Variants in POLA1 observed in about 807,000 individuals in gnomAD.
POLA1 encodes DNA polymerase alpha 1, catalytic subunit.
Under a neutral mutation model 124.0 loss-of-function variants are expected in POLA1, and 15 were observed. The ratio of observed to expected loss-of-function variants is 0.12; its 90% CI spans 0.08 to 0.19. The LOEUF is 0.19. Ranked by LOEUF, POLA1 falls within the 10% of genes least tolerant of loss-of-function variation. POLA1 has a pLI of 1.00. For missense variants in POLA1, 886 were observed against 1,103.4 expected (o/e 0.80, Z 2.79); for synonymous variants, 408 against 389.4 (o/e 1.05, Z -0.56).
At chrX:24,800,848 A>G (rs1481513886) in intron 26 of POLA1, among the ~76,000 whole-genome samples, 2 of 112,207 alleles carry the variant, frequency 1.8e-5, no homozygotes, top group Admixed American at 9.4e-5. Context: ...ATTCAAAGGC[A>G]TAGTTTGTAG....
intron 1 of POLA1, among the ~76,000 whole-genome samples, chrX:24,695,658 A>G (rs759464015): frequency 9.1e-6 from 1 of 110,483 alleles, no homozygotes; most frequent in East Asian, 2.9e-4. Flanking sequence ...TTGTATTTTC[A>G]GTAGAGACAG....
At chrX:24,875,059 T>C (rs2046913241) in intron 34 of POLA1, among the ~76,000 whole-genome samples, 1 of 110,960 alleles carries the variant, frequency 9.0e-6, no homozygotes, top group Non-Finnish European at 1.9e-5. Context: ...TTGCAATCAC[T>C]CGTAGATGAG....
intron 4 of POLA1, among the ~76,000 whole-genome samples, chrX:24,707,722 G>A (rs772646315): frequency 8.9e-6 from 1 of 112,490 alleles, no homozygotes; most frequent in Non-Finnish European, 1.9e-5. Flanking sequence ...GGCCGGGTGC[G>A]GTGGCTCACG....
At chrX:24,947,294 G>T in intron 36 of POLA1, among the ~76,000 whole-genome samples, 1 of 63,183 alleles carries the variant, frequency 1.6e-5, no homozygotes, top group African/African-American at 6.2e-5. Context: ...TTGAGACAGA[G>T]TCTCACTCTG....
intron 32 of POLA1, among the ~76,000 whole-genome samples, chrX:24,832,534 T>C (rs780453656): frequency 6.0e-4 from 68 of 112,512 alleles, no homozygotes; most frequent in African/African-American, 2.1e-3. Flanking sequence ...ACTCTGGCTT[T>C]GTAACACTTA....
intron 35 of POLA1, among the ~76,000 whole-genome samples, chrX:24,906,872 T>C (rs1315924965): frequency 9.0e-6 from 1 of 111,535 alleles, no homozygotes; most frequent in Non-Finnish European, 1.9e-5. Context: ...GTAAATGAGC[T>C]TGAAGATAGA....
intron 4 of POLA1, among the ~76,000 whole-genome samples, chrX:24,710,063 G>A (rs1248225654): frequency 7.6e-5 from 8 of 105,232 alleles, no homozygotes; most frequent in East Asian, 3.0e-4. Context: ...CTCGGGCCCC[G>A]TGGGGCCCGT....
chrX:24,786,985 A>G (rs2045378492), intron 26 of POLA1, among the ~76,000 whole-genome samples: 1 of 109,808 alleles, frequency 9.1e-6, no homozygotes, highest in Admixed American at 9.8e-5. Context: ...TGTGTTGCCC[A>G]GGCTGGTCTT....
chrX:24,809,883 T>A lies in POLA1; in HGVS notation c.2965-15T>A. 1 of 1,026,761 alleles carries A rather than the reference T, an allele frequency of 9.7e-7. No individual in the cohort carries two copies. The highest frequency in any genetic ancestry group is 2.4e-5 in the Admixed American group (1 of 40,886). 84.6% of individuals were successfully genotyped at this position (1,026,761 alleles called of 1,213,427 possible). A position where few individuals can be genotyped will look rare whatever the true frequency, so the allele number is the denominator to read the frequency against. On this transcript the variant is annotated splice_polypyrimidine_tract_variant and intron_variant, in intron 26 of 36. Transcript: ENST00000379068. Reference sequence around the variant, plus strand: ...AATTGTGTAACTTATTAATCTTGACTTTTGTTTCATTTAGATTTTGATGCA... The same window carrying A: ...AATTGTGTAACTTATTAATCTTGACATTTGTTTCATTTAGATTTTGATGCA...
At chrX:24,767,196 T>C (rs915792599) in intron 26 of POLA1, among the ~76,000 whole-genome samples, 6 of 112,458 alleles carry the variant, frequency 5.3e-5, no homozygotes, top group Admixed American at 4.7e-4. Flanking sequence ...AGCCATTTGC[T>C]GATAAATTGA....
At chrX:24,786,714 G>A (rs1482756168) in intron 26 of POLA1, among the ~76,000 whole-genome samples, 1 of 81,150 alleles carries the variant, frequency 1.2e-5, no homozygotes, top group East Asian at 3.6e-4. Flanking sequence ...TTTTTGAGAC[G>A]GCCTCACCTC....
chrX:24,737,738 TG>T lies in POLA1; in HGVS notation c.2040+1del. 2 of 1,015,800 alleles carry T rather than the reference TG, an allele frequency of 2.0e-6. No homozygotes were observed. The highest frequency in any genetic ancestry group is 2.7e-6 in the Non-Finnish European group (2 of 730,562). 83.7% of individuals were successfully genotyped at this position (1,015,800 alleles called of 1,213,427 possible). ...TGAAGCGATCCAACATGCCAAAGCT[TG>T]GGGTAATAATAATTTTCAAAATCTT... ...RLKRSNMPKL[G>X]GRSGFGERNA... On this transcript the variant is annotated frameshift_variant and splice_region_variant, in exon 19 of 37. Coordinates refer to ENST00000379068, the MANE Select transcript of POLA1 (RefSeq NM_001330360.2). LOFTEE classifies it high-confidence loss of function.
chrX:24,718,624 G>C (rs1040661595), intron 10 of POLA1, among the ~76,000 whole-genome samples: 1 of 112,260 alleles, frequency 8.9e-6, no homozygotes, highest in African/African-American at 3.2e-5. Context: ...TTAAGTACAG[G>C]GGGTGGTGGT....
intron 35 of POLA1, among the ~76,000 whole-genome samples, chrX:24,891,695 C>G (rs2047144453): frequency 8.9e-6 from 1 of 111,958 alleles, no homozygotes; most frequent in Non-Finnish European, 1.9e-5. Flanking sequence ...TATTAAACAA[C>G]TGCAACTACA....
At chrX:24,963,443 G>A (rs2048189990) in intron 36 of POLA1, among the ~76,000 whole-genome samples, 1 of 111,612 alleles carries the variant, frequency 9.0e-6, no homozygotes, top group Non-Finnish European at 1.9e-5. Context: ...AGGTTTGGGG[G>A]TCAGAAAACC....
intron 35 of POLA1, among the ~76,000 whole-genome samples, chrX:24,917,023 G>A (rs2047543347): frequency 8.9e-6 from 1 of 112,210 alleles, no homozygotes; most frequent in African/African-American, 3.2e-5. Context: ...GAAAAGGCAG[G>A]CTGGGCATGG....
At chrX:24,874,521 G>C (rs2046906528) in intron 34 of POLA1, among the ~76,000 whole-genome samples, 1 of 111,984 alleles carries the variant, frequency 8.9e-6, no homozygotes, top group Admixed American at 9.5e-5. Context: ...AAAGAGTTGA[G>C]AGATAATTTT....
At chrX:24,976,286 A>G (rs1322822963) in intron 36 of POLA1, among the ~76,000 whole-genome samples, 3 of 111,891 alleles carry the variant, frequency 2.7e-5, no homozygotes, top group Admixed American at 9.4e-5. Context: ...GCAAGCTCAA[A>G]TCGGAGTGTT....
rs1224487661 is a variant in POLA1, at chrX:24,699,457, C to G, written c.76C>G (p.Arg26Gly). The G allele has an allele frequency of 8.5e-7, 1 of 1,176,549 alleles. No individual in the cohort carries two copies. The highest frequency in any genetic ancestry group is 2.0e-5 in the South Asian group (1 of 50,853). The change falls in exon 2 of 37, where the codon CGA (arginine) becomes GGA (glycine). Residue 26 changes from arginine to glycine, a missense_variant. Arg to Gly is a moderately radical substitution (Grantham distance 125). Coordinates refer to ENST00000379068, the MANE Select transcript of POLA1 (RefSeq NM_001330360.2). ...AGATTCAGGGAGTTTTGTATCTTCT[C>G]GAGCCCGGCGAGAAAAAAAATCAAA... ...LSDSGSFVSSRARREKKSKKG... is the reference protein window; with the variant it reads ...LSDSGSFVSSGARREKKSKKG...
Sources: gnomAD v4.1 joint callset for allele counts (sites outside exome capture counted in the v4.1 genomes callset) on GRCh38, gnomAD v4.1.1 for gene constraint, MANE v1.5 for transcripts, NCBI Gene and HGNC (gene_info 2026-07-23, HGNC 2026-07-21) for gene names.